OXNAD1: variants seen among roughly 807,000 people sequenced by gnomAD.
OXNAD1 encodes the protein oxidoreductase NAD binding domain containing 1, also known as oxidoreductase NAD-binding domain-containing protein 1.
Under a neutral mutation model 32.9 loss-of-function variants are expected in OXNAD1, and 34 were observed. The ratio of observed to expected loss-of-function variants is 1.03; its 90% CI spans 0.79 to 1.38. The LOEUF (loss-of-function observed/expected upper bound fraction) is 1.38. Ranked by LOEUF, OXNAD1 falls within the 40% of genes most tolerant of loss-of-function variation. The pLI is 0.00. For synonymous variants in OXNAD1, 134 were observed against 135.2 expected, an observed-to-expected ratio of 0.99 and a Z score of 0.06; for missense variants, 407 against 379.4, an observed-to-expected ratio of 1.07 and a Z score of -0.60.
chr3:16,276,477 T>A (rs2065332300), intron 4 of OXNAD1: 1 of 186,012 alleles, frequency 5.4e-6, no homozygotes, highest in African/African-American at 2.4e-5. Flanking sequence ...GGTCACTACA[T>A]AGTAACTGGT....
At position 16,329,362 on chromosome 3, in the gene OXNAD1, GA is replaced by G. The variant is rs772122913; in HGVS notation, c.*31-7747del. Among the ~76,000 whole-genome samples, 267 of 152,202 alleles carry G rather than the reference GA, an allele frequency of 1.8e-3. 1 individual carries two copies. The highest frequency in any genetic ancestry group is 6.1e-3 in the African/African-American group (254 of 41,538). On this transcript the variant is annotated intron_variant, in intron 9 of 9. Coordinates refer to the OXNAD1 transcript ENST00000435829. The surrounding 1 kb of genome is among the most constrained non-coding windows in gnomAD (Gnocchi z 4.5). Reference sequence around the variant, plus strand: ...AGTGGAGAAAGGGAAAGGGAAAGAGGAAACTTAATAAAGGAAGGCGGAAGGG... The same window carrying G: ...AGTGGAGAAAGGGAAAGGGAAAGAGGAACTTAATAAAGGAAGGCGGAAGGG...
intron 9 of OXNAD1, among the ~76,000 whole-genome samples, chr3:16,313,946 T>TG (rs1415311653): frequency 7.2e-5 from 11 of 152,170 alleles, no homozygotes; most frequent in Non-Finnish European, 1.3e-4. Flanking sequence ...GCCCTGCCAG[T>TG]GGTGCTAAAC....
At chr3:16,269,044 C>G in intron 1 of OXNAD1, 82 bp from the exon 2 acceptor site, 1 of 1,273,722 alleles carries the variant, frequency 7.9e-7, no homozygotes, top group Non-Finnish European at 1.0e-6. Context: ...TTTTAATGAG[C>G]CTTTCCTTTG....
chr3:16,342,177 G>A (rs1464311049), downstream of OXNAD1, among the ~76,000 whole-genome samples: 1 of 151,714 alleles, frequency 6.6e-6, no homozygotes, highest in Non-Finnish European at 1.5e-5. The surrounding 1 kb of genome is among the most constrained non-coding windows in gnomAD (Gnocchi z 4.0). Flanking sequence ...CCAATACCCT[G>A]TACCTATTAG....
chr3:16,345,264 T>TTTGTGTGTGTGTGTGTG lies in OXNAD1; in HGVS notation c.*31-3911_*31-3910insTGTGTGTGTGTGTGTGT, dbSNP rs1491581919. On this transcript the variant is annotated intron_variant, in intron 9 of 9. Coordinates refer to the OXNAD1 transcript ENST00000606098. This position sits in a 1 kb window ranked among gnomAD's most constrained non-coding sequence, Gnocchi z 5.2. ...AAACTGTAAGATAATAAGTAGGTGGTTGTGTGTGTGTGTGTGTGTGTGTGT... is the reference window on the plus strand; with the variant it reads ...AAACTGTAAGATAATAAGTAGGTGGTTTGTGTGTGTGTGTGTGTGTGTGTGTGTGTGTGTGTGTGTGT... 112 of 145,930 alleles carry TTTGTGTGTGTGTGTGTG rather than the reference T, an allele frequency of 7.7e-4. 1 individual carries two copies. The highest frequency in any genetic ancestry group is 2.7e-3 in the African/African-American group (103 of 37,852). The allele number at this position is 145,930 out of a possible 1,614,324, so 9.0% of individuals were successfully genotyped here.
chr3:16,269,262 C>T lies in OXNAD1; in HGVS notation c.-22C>T, dbSNP rs747744194. On this transcript the variant is annotated 5_prime_UTR_variant, in exon 2 of 9. Coordinates refer to ENST00000285083, the MANE Select transcript of OXNAD1 (RefSeq NM_138381.5). The stretch of plus-strand genomic sequence containing the variant: ...ATATACTTAATGACTCCTAAAATCT[C>T]GTGGACTTCTAAGGTAAGTTTCAAC... 131 of 1,535,250 alleles carry T rather than the reference C, an allele frequency of 8.5e-5. No individual in the cohort carries two copies. The highest frequency in any genetic ancestry group is 3.9e-4 in the East Asian group (16 of 40,882).
Position 16,335,942 on chromosome 3 carries a change from T to C in OXNAD1, c.*31-1170T>C, listed in dbSNP as rs2070805560. ...GACAGCAAGGACTGGTGGCAGCTGC[T>C]AGTGCAGAGGAGGCAGAGCATGCTG... On this transcript the variant is annotated intron_variant, in intron 9 of 9. Coordinates refer to the OXNAD1 transcript ENST00000435829. This position sits in a 1 kb window ranked among gnomAD's most constrained non-coding sequence, Gnocchi z 4.7. 6.6e-6 allele frequency among the ~76,000 whole-genome samples: 1 copy of C among 152,208 alleles called. No individual in the cohort carries two copies. Among genetic ancestry groups the C allele is most frequent in the African/African-American group, 2.4e-5 (1 of 41,458 alleles).
At chr3:16,324,613 A>ACG (rs1553718054) in intron 9 of OXNAD1, among the ~76,000 whole-genome samples, 1 of 90,800 alleles carries the variant, frequency 1.1e-5, no homozygotes, top group Non-Finnish European at 2.2e-5. Context: ...AATGTCCCTG[A>ACG]CCCCCCCCCT....
chr3:16,324,735 C>G (rs1178619280), intron 9 of OXNAD1, among the ~76,000 whole-genome samples: 1 of 143,570 alleles, frequency 7.0e-6, no homozygotes, highest in Non-Finnish European at 1.5e-5. Context: ...TGAGGGACAC[C>G]TAAGTTGTTT....
chr3:16,349,132 A>G lies in OXNAD1; in HGVS notation c.*31-44A>G, dbSNP rs372734732. ...AAGGGAAATGACTTACCTGGGCAAC[A>G]CAAACTGTATAAACTAAGCTTTTCT... On this transcript the variant is annotated intron_variant, in intron 9 of 9. Transcript: ENST00000606098. 3.9e-5 allele frequency: 6 copies of G among 152,376 alleles called. No individual in the cohort carries two copies. In the South Asian group the frequency reaches 6.2e-4, roughly 16 times the overall value. 9.4% of individuals were successfully genotyped at this position (152,376 alleles called of 1,614,324 possible).
chr3:16,317,146 T>C lies in OXNAD1; in HGVS notation c.*30+13554T>C, dbSNP rs144033936. 1 of 1,613,738 alleles carries C rather than the reference T, an allele frequency of 6.2e-7. No individual in the cohort carries two copies. The highest frequency in any genetic ancestry group is 8.5e-7 in the Non-Finnish European group (1 of 1,179,956). ...CTAAGTTCTTCTCATTTTCTTCTGC[T>C]TGTTGTTTGTCTCTGGCACTGAGTT... On this transcript the variant is annotated intron_variant, in intron 9 of 9. Coordinates refer to the OXNAD1 transcript ENST00000435829. This position sits in a 1 kb window ranked among gnomAD's most constrained non-coding sequence, Gnocchi z 4.3.
chr3:16,286,383 A>AC lies in OXNAD1; in HGVS notation c.227dup (p.Ser77ValfsTer11), dbSNP rs774129486. On this transcript the variant is annotated frameshift_variant, in exon 5 of 9. Transcript: ENST00000285083. LOFTEE classifies it high-confidence loss of function. ...AGGTGTGTGGAGCTGCCAGTGAGTC[A>AC]CCGTCAGTGAAGAGCCTCCGCTTGC... 1 of 1,613,968 alleles carries AC rather than the reference A, an allele frequency of 6.2e-7. No homozygotes were observed. Among genetic ancestry groups the AC allele is most frequent in the South Asian group, 1.1e-5 (1 of 91,084 alleles).
rs1559746859 is a variant in OXNAD1 at position 16,287,349 on chromosome 3, G to T, written c.290+901G>T. On this transcript the variant is annotated intron_variant, in intron 5 of 8. Coordinates refer to ENST00000285083, the MANE Select transcript of OXNAD1 (RefSeq NM_138381.5). The surrounding 1 kb of genome is among the most constrained non-coding windows in gnomAD (Gnocchi z 4.8). ...ATAATAGCAAGTGTGATAATAGCAAGAGTTAGCAGTCTTGTGTGTTAATAG... is the reference window on the plus strand; with the variant it reads ...ATAATAGCAAGTGTGATAATAGCAATAGTTAGCAGTCTTGTGTGTTAATAG... Among the ~76,000 whole-genome samples the T allele has an allele frequency of 6.6e-6, 1 of 152,204 alleles. No homozygotes were observed. The highest frequency in any genetic ancestry group is 2.4e-5 in the African/African-American group (1 of 41,452).
At chr3:16,294,202 CTTT>C (rs200164799) in intron 5 of OXNAD1, among the ~76,000 whole-genome samples, 1 of 144,174 alleles carries the variant, frequency 6.9e-6, no homozygotes, top group Admixed American at 6.9e-5. Flanking sequence ...CTGAGCCTTT[CTTT>C]TTTTTTTTTT....
At chr3:16,330,143 A>C (rs1024494333) in intron 9 of OXNAD1, among the ~76,000 whole-genome samples, 1 of 152,068 alleles carries the variant, frequency 6.6e-6, no homozygotes, top group Non-Finnish European at 1.5e-5. Context: ...CAACAAAACA[A>C]CCCTGCTTGA....
In OXNAD1 at chr3:16,297,955, G is replaced by T. The variant is rs2066915333; in HGVS notation, c.432+2958G>T. ...AAATTCATAGAACCGTATACCAAAA[G>T]AAAAAGATTTCTATTAAGGAAATTT... On this transcript the variant is annotated intron_variant, in intron 6 of 8. Transcript: ENST00000285083. This position sits in a 1 kb window ranked among gnomAD's most constrained non-coding sequence, Gnocchi z 4.3. Among the ~76,000 whole-genome samples the T allele has an allele frequency of 6.6e-6, 1 of 152,102 alleles. No homozygotes were observed. Among genetic ancestry groups the T allele is most frequent in the Admixed American group, 6.5e-5 (1 of 15,284 alleles).
intron 1 of OXNAD1, among the ~76,000 whole-genome samples, chr3:16,267,074 C>T (rs2064573743): frequency 6.6e-6 from 1 of 152,200 alleles, no homozygotes; most frequent in African/African-American, 2.4e-5. Flanking sequence ...TTTGAACTTA[C>T]TTAATTTCAG....
rs1192999786 is a variant in OXNAD1 at position 16,329,517 on chromosome 3, C to A, written c.*31-7595C>A. 6.6e-6 allele frequency among the ~76,000 whole-genome samples: 1 copy of A among 152,152 alleles called. No homozygotes were observed. The highest frequency in any genetic ancestry group is 1.9e-4 in the East Asian group (1 of 5,184). On this transcript the variant is annotated intron_variant, in intron 9 of 9. Coordinates refer to the OXNAD1 transcript ENST00000435829. The surrounding 1 kb of genome is among the most constrained non-coding windows in gnomAD (Gnocchi z 4.5). ...GCCAGAGATGGCCCAGCAGTTGTGACCATCCTTTCTGCCTGGCCTCTGGGC... is the reference window on the plus strand; with the variant it reads ...GCCAGAGATGGCCCAGCAGTTGTGAACATCCTTTCTGCCTGGCCTCTGGGC...
chr3:16,346,859 GA>G lies in OXNAD1; in HGVS notation c.*31-2314del. 6.6e-6 allele frequency among the ~76,000 whole-genome samples: 1 copy of G among 152,296 alleles called. No homozygotes were observed. Among genetic ancestry groups the G allele is most frequent in the Non-Finnish European group, 1.5e-5 (1 of 68,020 alleles). On this transcript the variant is annotated intron_variant, in intron 9 of 9. Transcript: ENST00000606098. This position sits in a 1 kb window ranked among gnomAD's most constrained non-coding sequence, Gnocchi z 4.4. ...TGCAGACAGGCTGAGGATGAGTACA[GA>G]AAGATGGCAACATCTGGATCCCTGG...
Sources: allele counts gnomAD v4.1 joint callset (sites outside exome capture counted in the v4.1 genomes callset), GRCh38; gene constraint gnomAD v4.1.1; non-coding constraint Gnocchi (gnomAD v3.1); transcripts MANE v1.5; gene names NCBI Gene and HGNC (gene_info 2026-07-23, HGNC 2026-07-21).